Variants in VAMP1 observed in about 807,000 individuals in gnomAD.
The protein encoded by VAMP1 is vesicle associated membrane protein 1, also known as vesicle-associated membrane protein 1.
Under a neutral mutation model 19.1 loss-of-function variants are expected in VAMP1, and 16 were observed. The ratio of observed to expected loss-of-function variants is 0.84; its 90% confidence interval spans 0.57 to 1.27. The LOEUF is 1.27. VAMP1 is among the 50% of genes most tolerant of loss of function. The probability of loss-of-function intolerance (pLI) is 0.00; values close to 1 mark genes in which losing one functional copy is unlikely to be tolerated. For synonymous variants in VAMP1, 37 were observed against 50.2 expected, an observed-to-expected ratio of 0.74 and a Z score of 1.11; for missense variants, 109 against 145.4, an observed-to-expected ratio of 0.75 and a Z score of 1.29.
chr12:6,464,263 G>A lies in VAMP1; in HGVS notation c.*207C>T, dbSNP rs1592145589. 1 of 1,530,444 alleles carries A rather than the reference G, an allele frequency of 6.5e-7. No homozygotes were observed. The highest frequency in any genetic ancestry group is 8.8e-7 in the Non-Finnish European group (1 of 1,137,522). The allele number at this position is 1,530,444 out of a possible 1,614,324, so 94.8% of individuals were successfully genotyped here. A position where few individuals can be genotyped will look rare whatever the true frequency, so the allele number is the denominator to read the frequency against. On this transcript the variant is annotated 3_prime_UTR_variant, in exon 5 of 5. Coordinates refer to ENST00000396308, the MANE Select transcript of VAMP1 (RefSeq NM_014231.5). Reference sequence around the variant, plus strand: ...GGAGGCGCCAGCTGTTGCTCTTCGGGTAATGACTTAGATTGTGCCACGAGC... The same window carrying A: ...GGAGGCGCCAGCTGTTGCTCTTCGGATAATGACTTAGATTGTGCCACGAGC...
rs1949919189 is a variant in VAMP1 at position 6,462,940 on chromosome 12, G to A, written c.*1530C>T. 1 of 1,556,494 alleles carries A rather than the reference G, an allele frequency of 6.4e-7. No individual in the cohort carries two copies. The highest frequency in any genetic ancestry group is 8.7e-7 in the Non-Finnish European group (1 of 1,149,808). On this transcript the variant is annotated 3_prime_UTR_variant, in exon 5 of 5. Coordinates refer to ENST00000396308, the MANE Select transcript of VAMP1 (RefSeq NM_014231.5). ...CTGCTGCATGGAAAGTGGGCATCCA[G>A]ACCCTGCCCAGCATGGCCTCAGCCT...
In VAMP1 at chr12:6,465,956, C is replaced by T; in HGVS notation, c.174G>A (p.Arg58=). 6.2e-7 allele frequency: 1 copy of T among 1,614,238 alleles called. No individual in the cohort carries two copies. Among genetic ancestry groups the T allele is most frequent in the Non-Finnish European group, 8.5e-7 (1 of 1,180,058 alleles). The change falls in exon 3 of 5, where the codon AGG becomes AGA. Residue 58 remains arginine (R), a synonymous_variant. Transcript: ENST00000396308. ...IRVNVDKVLE[R]DQKLSELDDR... is the part of the protein sequence containing the mutation. ...CATCCAGCTCTGACAGCTTCTGGTC[C>T]CTCTCCAGGACCTTGTCCACGTTCA...
intron 1 of VAMP1, 184 bp from the exon 2 acceptor site, chr12:6,466,535 G>T: frequency 5.4e-6 from 3 of 552,840 alleles, no homozygotes; most frequent in South Asian, 2.4e-5. Context: ...CAGACAAAAA[G>T]AAAGGACTCA....
At chr12:6,465,327 GAGAA>G (rs1479154132) in intron 3 of VAMP1, 1 of 317,182 alleles carries the variant, frequency 3.2e-6, no homozygotes, top group Non-Finnish European at 6.0e-6. Context: ...ATTTCAATCT[GAGAA>G]AGCTGATTTA....
Position 6,463,266 on chromosome 12 carries a change from G to T in VAMP1, c.*1204C>A. 2 of 1,352,688 alleles carry T rather than the reference G, an allele frequency of 1.5e-6. No individual in the cohort carries two copies. The highest frequency in any genetic ancestry group is 9.5e-7 in the Non-Finnish European group (1 of 1,049,654). The allele number at this position is 1,352,688 out of a possible 1,614,324, so 83.8% of individuals were successfully genotyped here. On this transcript the variant is annotated 3_prime_UTR_variant, in exon 5 of 5. Coordinates refer to ENST00000396308, the MANE Select transcript of VAMP1 (RefSeq NM_014231.5). This position sits in a 1 kb window ranked among gnomAD's most constrained non-coding sequence, Gnocchi z 4.0. ...ACAGAGAGGCGGCTCTCAAGGAGAG[G>T]GCCCCATGACAGCACAGCAATACAC...
At chr12:6,465,221 T>C (rs1949973690) in intron 3 of VAMP1, 2 of 482,792 alleles carry the variant, frequency 4.1e-6, no homozygotes, top group Non-Finnish European at 3.9e-6. Flanking sequence ...GGCATTCCAA[T>C]AGAGATACAG....
rs758222790 is a variant in VAMP1 at position 6,462,788 on chromosome 12, G to C, written c.*1682C>G. 1.9e-6 allele frequency: 3 copies of C among 1,577,050 alleles called. No homozygotes were observed. Among genetic ancestry groups the C allele is most frequent in the Non-Finnish European group, 2.6e-6 (3 of 1,158,336 alleles). On this transcript the variant is annotated 3_prime_UTR_variant, in exon 5 of 5. Coordinates refer to ENST00000396308, the MANE Select transcript of VAMP1 (RefSeq NM_014231.5). ...AGCCCAGAGGAGAGTGGAGACCTTCGAGGGGGGCCGTTGGGAGGGTACTGA... is the reference window on the plus strand; with the variant it reads ...AGCCCAGAGGAGAGTGGAGACCTTCCAGGGGGGCCGTTGGGAGGGTACTGA...
chr12:6,463,400 C>T lies in VAMP1; in HGVS notation c.*1070G>A. 9.4e-7 allele frequency: 1 copy of T among 1,061,248 alleles called. No individual in the cohort carries two copies. Among genetic ancestry groups the T allele is most frequent in the South Asian group, 2.9e-5 (1 of 34,022 alleles). The allele number at this position is 1,061,248 out of a possible 1,614,324, so 65.7% of individuals were successfully genotyped here. On this transcript the variant is annotated 3_prime_UTR_variant, in exon 5 of 5. Transcript: ENST00000396308. The surrounding 1 kb of genome is among the most constrained non-coding windows in gnomAD (Gnocchi z 4.0). ...GCCGGGCCCCAGGAAGAACCACTTG[C>T]CTCATCCCTGTCTTTGGCAAGTGCA...
At position 6,466,316 on chromosome 12, in the gene VAMP1, T is replaced by C. The variant is rs1204784185; in HGVS notation, c.38A>G (p.Glu13Gly). 1 of 1,614,000 alleles carries C rather than the reference T, an allele frequency of 6.2e-7. No individual in the cohort carries two copies. The highest frequency in any genetic ancestry group is 1.3e-5 in the African/African-American group (1 of 74,936). ...GGGACCCCCACCTGGGGCAGTCCCT[T>C]CTGTCCCTTCAGCAGGTGGCTGAGC... is the stretch of plus-strand genomic sequence containing the variant. ...APAQPPAEGT[E>G]GTAPGGGPPG... The change falls in exon 2 of 5, where the codon GAA becomes GGA. Residue 13 changes from glutamate (E) to glycine (G), a missense_variant. Physicochemically the swap from Glu to Gly is moderately conservative, Grantham distance 98. Coordinates refer to ENST00000396308, the MANE Select transcript of VAMP1 (RefSeq NM_014231.5).
At position 6,466,371 on chromosome 12, in the gene VAMP1, G is replaced by T; in HGVS notation, c.3-20C>A. 6.2e-7 allele frequency: 1 copy of T among 1,607,990 alleles called. No individual in the cohort carries two copies. The highest frequency in any genetic ancestry group is 8.5e-7 in the Non-Finnish European group (1 of 1,177,726). On this transcript the variant is annotated intron_variant, in intron 1 of 4. Transcript: ENST00000396308. ...GCAGACCTGTGGAAAGACATGTGCA[G>T]AGTACACAAAGTGACCAAGACAAGA...
rs1949927106 is a variant in VAMP1 at position 6,463,253 on chromosome 12, C to T, written c.*1217G>A. 1 of 1,373,844 alleles carries T rather than the reference C, an allele frequency of 7.3e-7. No individual in the cohort carries two copies. The highest frequency in any genetic ancestry group is 9.4e-7 in the Non-Finnish European group (1 of 1,062,686). The allele number at this position is 1,373,844 out of a possible 1,614,324, so 85.1% of individuals were successfully genotyped here. A position where few individuals can be genotyped will look rare whatever the true frequency, so the allele number is the denominator to read the frequency against. Reference sequence around the variant, plus strand: ...TACTACAGGAAGAACAGAGAGGCGGCTCTCAAGGAGAGGGCCCCATGACAG... The same window carrying T: ...TACTACAGGAAGAACAGAGAGGCGGTTCTCAAGGAGAGGGCCCCATGACAG... On this transcript the variant is annotated 3_prime_UTR_variant, in exon 5 of 5. Coordinates refer to ENST00000396308, the MANE Select transcript of VAMP1 (RefSeq NM_014231.5). The surrounding 1 kb of genome is among the most constrained non-coding windows in gnomAD (Gnocchi z 4.0).
In VAMP1 at chr12:6,463,021, T is replaced by C; in HGVS notation, c.*1449A>G. 2 of 1,548,204 alleles carry C rather than the reference T, an allele frequency of 1.3e-6. No homozygotes were observed. ...ATAAAGGGCCATGGGCATTCTCCGC[T>C]CTGTTCCCAGCCTGCCCTCCTCCCC... On this transcript the variant is annotated 3_prime_UTR_variant, in exon 5 of 5. Transcript: ENST00000396308. The surrounding 1 kb of genome is among the most constrained non-coding windows in gnomAD (Gnocchi z 4.0).
chr12:6,462,755 C>G lies in VAMP1; in HGVS notation c.*1715G>C. On this transcript the variant is annotated 3_prime_UTR_variant, in exon 5 of 5. Transcript: ENST00000396308. ...TCCAGCGGTGACCCCCTGCATTAGGCAAGGAGGAGCCCAGAGGAGAGTGGA... is the reference window on the plus strand; with the variant it reads ...TCCAGCGGTGACCCCCTGCATTAGGGAAGGAGGAGCCCAGAGGAGAGTGGA... 6.8e-7 allele frequency: 1 copy of G among 1,464,348 alleles called. No individual in the cohort carries two copies. Among genetic ancestry groups the G allele is most frequent in the Non-Finnish European group, 9.3e-7 (1 of 1,080,668 alleles). The allele number at this position is 1,464,348 out of a possible 1,614,324, so 90.7% of individuals were successfully genotyped here. A position where few individuals can be genotyped will look rare whatever the true frequency, so the allele number is the denominator to read the frequency against.
rs1949941646 is a variant in VAMP1 at position 6,463,984 on chromosome 12, G to C, written c.*486C>G. 4 of 1,291,016 alleles carry C rather than the reference G, an allele frequency of 3.1e-6. No individual in the cohort carries two copies. The African/African-American group carries it at 4.5e-5, about 15-fold the overall frequency. 80.0% of individuals were successfully genotyped at this position (1,291,016 alleles called of 1,614,324 possible). ...GGTCCACCCCCAGGACCCTCTTCAGGCCTGGTCCAGGAAGGAAAGCTCCAC... is the reference window on the plus strand; with the variant it reads ...GGTCCACCCCCAGGACCCTCTTCAGCCCTGGTCCAGGAAGGAAAGCTCCAC... On this transcript the variant is annotated 3_prime_UTR_variant, in exon 5 of 5. Coordinates refer to ENST00000396308, the MANE Select transcript of VAMP1 (RefSeq NM_014231.5). The surrounding 1 kb of genome is among the most constrained non-coding windows in gnomAD (Gnocchi z 4.0).
chr12:6,463,250 C>T lies in VAMP1; in HGVS notation c.*1220G>A, dbSNP rs559843986. ...ATATACTACAGGAAGAACAGAGAGG[C>T]GGCTCTCAAGGAGAGGGCCCCATGA... On this transcript the variant is annotated 3_prime_UTR_variant, in exon 5 of 5. Transcript: ENST00000396308. The surrounding 1 kb of genome is among the most constrained non-coding windows in gnomAD (Gnocchi z 4.0). 5.1e-6 allele frequency: 7 copies of T among 1,372,992 alleles called. No homozygotes were observed. The East Asian group carries it at 8.5e-5, about 17-fold the overall frequency. The allele number at this position is 1,372,992 out of a possible 1,614,324, so 85.1% of individuals were successfully genotyped here.
chr12:6,463,009 G>A lies in VAMP1; in HGVS notation c.*1461C>T. On this transcript the variant is annotated 3_prime_UTR_variant, in exon 5 of 5. Coordinates refer to ENST00000396308, the MANE Select transcript of VAMP1 (RefSeq NM_014231.5). The surrounding 1 kb of genome is among the most constrained non-coding windows in gnomAD (Gnocchi z 4.0). The stretch of plus-strand genomic sequence containing the variant: ...AGGGAAGAAGGAATAAAGGGCCATG[G>A]GCATTCTCCGCTCTGTTCCCAGCCT... The A allele has an allele frequency of 6.5e-7, 1 of 1,549,264 alleles. No individual in the cohort carries two copies. The highest frequency in any genetic ancestry group is 8.7e-7 in the Non-Finnish European group (1 of 1,146,972).
chr12:6,465,985 G>C lies in VAMP1; in HGVS notation c.145C>G (p.Arg49Gly). Reference protein sequence around the residue: ...AQVEEVVDIIRVNVDKVLERD... With the variant: ...AQVEEVVDIIGVNVDKVLERD... Reference sequence around the variant, plus strand: ...TCCAGGACCTTGTCCACGTTCACACGTATGATGTCCACCACCTGAGGAGGG... The same window carrying C: ...TCCAGGACCTTGTCCACGTTCACACCTATGATGTCCACCACCTGAGGAGGG... Residue 49 changes from arginine to glycine, a missense_variant, in exon 3 of 5, where the codon CGT (arginine) becomes GGT (glycine). Physicochemically the swap from Arg to Gly is moderately radical, Grantham distance 125. Coordinates refer to ENST00000396308, the MANE Select transcript of VAMP1 (RefSeq NM_014231.5). The C allele has an allele frequency of 2.5e-6, 4 of 1,614,230 alleles. No homozygotes were observed. Among genetic ancestry groups the C allele is most frequent in the Non-Finnish European group, 3.4e-6 (4 of 1,180,044 alleles).
intron 1 of VAMP1, among the ~76,000 whole-genome samples, chr12:6,467,950 G>A (rs1033675787): frequency 5.9e-5 from 9 of 152,352 alleles, no homozygotes; most frequent in East Asian, 3.9e-4. Flanking sequence ...GGGAACCTCC[G>A]TCTAGACTTC....
intron 4 of VAMP1, 93 bp from the exon 5 acceptor site, chr12:6,464,579 G>T (rs1949956364): frequency 6.8e-7 from 1 of 1,463,682 alleles, no homozygotes; most frequent in South Asian, 1.5e-5. Flanking sequence ...AGACATTCAG[G>T]TCTCTCCATT....
Sources: allele counts gnomAD v4.1 joint callset (sites outside exome capture counted in the v4.1 genomes callset), GRCh38; gene constraint gnomAD v4.1.1; non-coding constraint Gnocchi (gnomAD v3.1); transcripts MANE v1.5; gene names NCBI Gene and HGNC (gene_info 2026-07-23, HGNC 2026-07-21).